The following ZBTB7C variants were observed in gnomAD, a reference collection of about 807,000 sequenced individuals.
The protein encoded by ZBTB7C is zinc finger and BTB domain-containing protein 7C.
ZBTB7C carries 8 observed loss-of-function variants against 25.7 expected under a neutral mutation model. That is an observed-to-expected ratio of 0.31 (90% CI 0.18 to 0.56). The LOEUF (loss-of-function observed/expected upper bound fraction) is 0.56. ZBTB7C is among the 20% of genes least tolerant of loss of function. The pLI is 0.91. For missense variants in ZBTB7C, 824 were observed against 855.2 expected, an observed-to-expected ratio of 0.96 and a Z score of 0.46; for synonymous variants, 394 against 369.0, an observed-to-expected ratio of 1.07 and a Z score of -0.78.
intron 2 of ZBTB7C, among the ~76,000 whole-genome samples, chr18:48,234,063 G>A (rs1349733878): frequency 1.3e-5 from 2 of 151,954 alleles, no homozygotes; most frequent in Non-Finnish European, 2.9e-5. Flanking sequence ...TAGCCTCAGT[G>A]GAATTGCTCC....
At chr18:48,395,264 AATGTGTGTGTGTGTGTGTGT>A (rs753584752) in intron 1 of ZBTB7C, among the ~76,000 whole-genome samples, 1 of 97,644 alleles carries the variant, frequency 1.0e-5, no homozygotes, top group Non-Finnish European at 2.2e-5. Context: ...AGAGAGAGAG[AATGTGTGTGTGTGTGTGTGT>A]GTGTGTGTGT....
At position 48,327,220 on chromosome 18, in the gene ZBTB7C, C is replaced by T. The variant is rs762151817; in HGVS notation, c.-79+10954G>A. Among the ~76,000 whole-genome samples, 218 of 152,238 alleles carry T rather than the reference C, an allele frequency of 1.4e-3. 1 individual carries two copies. The highest frequency in any genetic ancestry group is 1.4e-3 in the Non-Finnish European group (95 of 68,016). On this transcript the variant is annotated intron_variant, in intron 2 of 4. Transcript: ENST00000590800. Reference sequence around the variant, plus strand: ...GGACCTGAATCAGGCCAGTTCCACTCGAGGCCTGCCCTTCTCTGGAGGGCT... The same window carrying T: ...GGACCTGAATCAGGCCAGTTCCACTTGAGGCCTGCCCTTCTCTGGAGGGCT...
At chr18:48,408,350 G>C (rs970234737) in intron 1 of ZBTB7C, 3 of 152,298 alleles carry the variant, frequency 2.0e-5, no homozygotes, top group African/African-American at 4.8e-5. Flanking sequence ...AGCAAGAGAC[G>C]TACACACCTT....
intron 3 of ZBTB7C, among the ~76,000 whole-genome samples, chr18:48,051,035 T>TG (rs33928175): frequency 0.59 from 88,905 of 151,906 alleles, 27,594 homozygotes; most frequent in African/African-American, 0.79. Context: ...CCAAACCTCC[T>TG]GCTGGTCACC....
chr18:48,085,096 T>G (rs6507802), intron 3 of ZBTB7C, among the ~76,000 whole-genome samples: 28,640 of 152,014 alleles, frequency 0.19, 3,705 homozygotes, highest in African/African-American at 0.36. Context: ...CCAGATCAAC[T>G]CAGCTGAACT....
intron 3 of ZBTB7C, among the ~76,000 whole-genome samples, chr18:48,068,360 C>T (rs2144376310): frequency 6.6e-6 from 1 of 152,088 alleles, no homozygotes; most frequent in Middle Eastern, 3.4e-3. Flanking sequence ...AGGATGGTCT[C>T]GATCTCTTGA....
intron 3 of ZBTB7C, among the ~76,000 whole-genome samples, chr18:48,045,667 A>T (rs914742238): frequency 6.6e-6 from 1 of 152,060 alleles, no homozygotes; most frequent in Non-Finnish European, 1.5e-5. Context: ...CACTTAGACA[A>T]CCCTTTCCCC....
At chr18:48,365,999 T>A (rs2047214083) in intron 1 of ZBTB7C, among the ~76,000 whole-genome samples, 1 of 152,196 alleles carries the variant, frequency 6.6e-6, no homozygotes. Context: ...ACAGGTTCAA[T>A]AAATTTTCAT....
At chr18:48,367,346 G>GCACA (rs376351649) in intron 1 of ZBTB7C, among the ~76,000 whole-genome samples, 5 of 81,056 alleles carry the variant, frequency 6.2e-5, no homozygotes, top group Admixed American at 3.1e-4. Flanking sequence ...ATATATGTGT[G>GCACA]CATATATATA....
chr18:48,385,486 T>C (rs1349638252), intron 1 of ZBTB7C, among the ~76,000 whole-genome samples: 2 of 152,088 alleles, frequency 1.3e-5, no homozygotes, highest in African/African-American at 4.8e-5. Flanking sequence ...CCATGACAGA[T>C]CTCATTTGGG....
At chr18:48,365,614 C>T (rs929850436) in intron 1 of ZBTB7C, among the ~76,000 whole-genome samples, 1 of 152,136 alleles carries the variant, frequency 6.6e-6, no homozygotes, top group East Asian at 1.9e-4. Context: ...GAGAACCCAG[C>T]CCAGGCTGAC....
chr18:48,312,954 C>T (rs908753128), intron 2 of ZBTB7C, among the ~76,000 whole-genome samples: 6 of 152,116 alleles, frequency 3.9e-5, no homozygotes, highest in Non-Finnish European at 8.8e-5. Context: ...CCACAGAGGC[C>T]GATGCTAAAT....
At chr18:48,285,384 A>G (rs2144658064) in intron 2 of ZBTB7C, among the ~76,000 whole-genome samples, 1 of 152,346 alleles carries the variant, frequency 6.6e-6, no homozygotes, top group South Asian at 2.1e-4. Flanking sequence ...TCACTAAGCA[A>G]TGATCCTGTT....
chr18:48,254,140 G>T (rs909903644), intron 2 of ZBTB7C, among the ~76,000 whole-genome samples: 1 of 152,162 alleles, frequency 6.6e-6, no homozygotes, highest in African/African-American at 2.4e-5. Flanking sequence ...CCTTTTTAAC[G>T]AAAAGCAGCC....
chr18:48,208,125 G>A (rs1045769758), intron 2 of ZBTB7C, among the ~76,000 whole-genome samples: 5 of 151,960 alleles, frequency 3.3e-5, no homozygotes, highest in East Asian at 1.9e-4. Context: ...AGGGTTGAGA[G>A]CTGGCCTTGG....
Position 48,319,116 on chromosome 18 carries a change from G to GTGTGTGTGTGTA in ZBTB7C, c.-79+19057_-79+19058insTACACACACACA, listed in dbSNP as rs757569868. 2.0e-4 allele frequency among the ~76,000 whole-genome samples: 30 copies of GTGTGTGTGTGTA among 150,492 alleles called. 1 individual carries two copies. The highest frequency in any genetic ancestry group is 1.9e-3 in the Admixed American group (29 of 15,112). On this transcript the variant is annotated intron_variant, in intron 2 of 4. Coordinates refer to ENST00000590800, the MANE Select transcript of ZBTB7C (RefSeq NM_001318841.2). ...ATGAACGATGCCAGAATGCCTCTGT[G>GTGTGTGTGTGTA]TGTGTGTGTGTGTGTGTGTGTGTGT...
chr18:48,147,190 G>A (rs1192788601), intron 3 of ZBTB7C, among the ~76,000 whole-genome samples: 1 of 152,116 alleles, frequency 6.6e-6, no homozygotes, highest in Non-Finnish European at 1.5e-5. Flanking sequence ...TGATTCTCGT[G>A]CCTCAGCATC....
In ZBTB7C at chr18:48,133,721, G is replaced by A. The variant is rs768383787; in HGVS notation, c.-17+52213C>T. Among the ~76,000 whole-genome samples, 51 of 152,194 alleles carry A rather than the reference G, an allele frequency of 3.4e-4. No individual in the cohort carries two copies. In the Middle Eastern group the frequency reaches 0.017, roughly 51 times the overall value. On this transcript the variant is annotated intron_variant, in intron 3 of 4. Transcript: ENST00000590800. ...CTCCGTGGAAGTTACTATGAAGCAG[G>A]AGGCTTTAGAAAGGAAAAACACAAT...
At chr18:48,082,406 C>A (rs145703598) in intron 3 of ZBTB7C, among the ~76,000 whole-genome samples, 46 of 152,250 alleles carry the variant, frequency 3.0e-4, no homozygotes, top group African/African-American at 9.4e-4. Flanking sequence ...AAGTCCTGTT[C>A]CTTATCTGCA....
Sources: allele counts gnomAD v4.1 joint callset (sites outside exome capture counted in the v4.1 genomes callset), GRCh38; gene constraint gnomAD v4.1.1; transcripts MANE v1.5; gene names NCBI Gene and HGNC (gene_info 2026-07-23, HGNC 2026-07-21).